The following XPC variants were observed in gnomAD, a reference collection of about 807,000 sequenced individuals.
XPC encodes XPC complex subunit, DNA damage recognition and repair factor.
A neutral mutation model predicts 95.8 loss-of-function variants in XPC; 76 were observed. The observed-to-expected ratio is 0.79, with a 90% confidence interval of 0.66 to 0.96. XPC has a LOEUF of 0.96. Among genes scored for constraint, XPC ranks in the 40% least tolerant of loss-of-function variants. XPC has a pLI of 0.00. For synonymous variants in XPC, 442 were observed against 442.1 expected, an observed-to-expected ratio of 1.00 and a Z score of 0.00; for missense variants, 1,146 against 1,179.8, an observed-to-expected ratio of 0.97 and a Z score of 0.42.
intron 10 of XPC, chr3:14,153,021 TCTA>T (rs1360756597): frequency 1.3e-5 from 2 of 152,256 alleles, no homozygotes; most frequent in Non-Finnish European, 2.9e-5. Context: ...GCCGTGCAAA[TCTA>T]CTTTCCAATG....
rs75667182 is a variant in XPC at position 14,161,255 on chromosome 3, T to C, written c.901-1425A>G. Among the ~76,000 whole-genome samples, 1,076 of 152,204 alleles carry C rather than the reference T, an allele frequency of 7.1e-3. 8 individuals are homozygous for C. Among genetic ancestry groups the C allele is most frequent in the African/African-American group, 0.024 (1,017 of 41,530 alleles). On this transcript the variant is annotated intron_variant, in intron 7 of 15. Coordinates refer to ENST00000285021, the MANE Select transcript of XPC (RefSeq NM_004628.5). ...GACCTCACTGGTGAATTCTAGCAAA[T>C]ATTTAAAGTGGAATTTACCTCAATC...
At position 14,145,561 on chromosome 3, in the gene XPC, A is replaced by G. The variant is rs142564472; in HGVS notation, c.*380T>C. The stretch of plus-strand genomic sequence containing the variant: ...GAAGAAACGATCAGCGCATTCACGG[A>G]TGCACCACCATCCAGAAATCTCCCG... On this transcript the variant is annotated 3_prime_UTR_variant, in exon 16 of 16. Coordinates refer to ENST00000285021, the MANE Select transcript of XPC (RefSeq NM_004628.5). The G allele has an allele frequency of 5.7e-5, 40 of 700,044 alleles. No individual in the cohort carries two copies. In the African/African-American group the frequency reaches 6.8e-4, roughly 12 times the overall value. The allele number at this position is 700,044 out of a possible 1,614,324, so 43.4% of individuals were successfully genotyped here.
chr3:14,176,431 C>A (rs1278475446), intron 1 of XPC, among the ~76,000 whole-genome samples: 1 of 152,182 alleles, frequency 6.6e-6, no homozygotes, highest in Non-Finnish European at 1.5e-5. Flanking sequence ...GTACCTTCTT[C>A]CACAATATTT....
Position 14,170,552 on chromosome 3 carries a change from T to C in XPC, c.300-2A>G. 6.2e-7 allele frequency: 1 copy of C among 1,607,230 alleles called. No homozygotes were observed. Among genetic ancestry groups the C allele is most frequent in the Non-Finnish European group, 8.5e-7 (1 of 1,175,692 alleles). On this transcript the variant is annotated splice_acceptor_variant, in intron 2 of 15. Transcript: ENST00000285021. LOFTEE classifies it high-confidence loss of function. ...TTCTTGAGGTCACTTGGAAAGTCCCTGTGTAAAGACCACAGGAAGGAAGAT... is the reference window on the plus strand; with the variant it reads ...TTCTTGAGGTCACTTGGAAAGTCCCCGTGTAAAGACCACAGGAAGGAAGAT...
chr3:14,156,670 GATCA>G (rs1450619953), intron 9 of XPC, among the ~76,000 whole-genome samples, 175 bp from the exon 10 acceptor site: 1 of 152,236 alleles, frequency 6.6e-6, no homozygotes, highest in East Asian at 1.9e-4. Context: ...GTCAGTTACA[GATCA>G]ATCAAAAGCT....
At chr3:14,151,383 T>C (rs1695682480) in intron 11 of XPC, 1 of 152,266 alleles carries the variant, frequency 6.6e-6, no homozygotes, top group South Asian at 2.1e-4. Flanking sequence ...AATTTAAATG[T>C]GTGGCTCACG....
chr3:14,167,517 C>G (rs2125039604), intron 4 of XPC, among the ~76,000 whole-genome samples: 1 of 152,340 alleles, frequency 6.6e-6, no homozygotes, highest in Non-Finnish European at 1.5e-5. Context: ...CACCTACATG[C>G]CTCAAAGCTC....
At chr3:14,152,665 C>A (rs1695741597) in intron 10 of XPC, 2 of 441,606 alleles carry the variant, frequency 4.5e-6, no homozygotes, top group Non-Finnish European at 8.0e-6. Context: ...CTCCACCACT[C>A]CTCCCCTTCA....
rs771891932 is a variant in XPC at position 14,156,357 on chromosome 3, G to A, written c.2011C>T (p.Arg671Cys). ...CACCTGGAGTAGACCGCTTCTCCAC[G>A]ACAATACCCAAGGATGGCAGCTGTC... ...PETAAILGYC[R>C]GEAVYSRDCV... The change falls in exon 10 of 16, where the codon CGT becomes TGT. Residue 671 changes from arginine (R) to cysteine (C), a missense_variant. Physicochemically the swap from Arg to Cys is radical, Grantham distance 180 (BLOSUM62 -3). Coordinates refer to ENST00000285021, the MANE Select transcript of XPC (RefSeq NM_004628.5). The A allele has an allele frequency of 1.3e-5, 21 of 1,613,594 alleles. No individual in the cohort carries two copies. The highest frequency in any genetic ancestry group is 1.8e-5 in the Non-Finnish European group (21 of 1,179,792).
chr3:14,146,389 G>A (rs1248401067), intron 15 of XPC, among the ~76,000 whole-genome samples: 2 of 152,108 alleles, frequency 1.3e-5, no homozygotes, highest in African/African-American at 2.4e-5. Flanking sequence ...GAGTGCAGGG[G>A]AACACAAGGA....
intron 13 of XPC, chr3:14,148,357 C>A: frequency 1.4e-6 from 1 of 705,786 alleles, no homozygotes; most frequent in East Asian, 2.8e-5. Flanking sequence ...TCCAGCATTA[C>A]GATGCCAGTT....
rs755825264 is a variant in XPC, at chr3:14,168,330, G to A, written c.463C>T (p.Arg155Ter). The A allele has an allele frequency of 1.4e-5, 22 of 1,613,788 alleles. No homozygotes were observed. The highest frequency in any genetic ancestry group is 2.2e-5 in the East Asian group (1 of 44,898). ...ACTGGCTTCACAGGCAGAAGAGATC[G>A]AGAGAAGGCTGTACTTTCTCTCACG... is the stretch of plus-strand genomic sequence containing the variant. The part of the protein sequence containing the change: ...GDVRESTAFS[R>*]SLLPVKPVEI... Residue 155 changes from arginine to a stop codon, truncating the protein, a stop_gained, in exon 4 of 16, where the codon CGA (arginine) becomes TGA (stop). Transcript: ENST00000285021. LOFTEE classifies it high-confidence loss of function.
rs142200580 is a variant in XPC, at chr3:14,148,990, C to T, written c.2116-42G>A. On this transcript the variant is annotated intron_variant, in intron 11 of 15. Transcript: ENST00000285021. Reference sequence around the variant, plus strand: ...GGCCACCGTTTACAACAAAGGCATCCAGTTCCTCAGCACCGGGCCAGGCAC... The same window carrying T: ...GGCCACCGTTTACAACAAAGGCATCTAGTTCCTCAGCACCGGGCCAGGCAC... The T allele has an allele frequency of 1.2e-3, 2,002 of 1,609,472 alleles. 29 individuals are homozygous for T. In the African/African-American group the frequency reaches 0.023, roughly 19 times the overall value.
rs1696092179 is a variant in XPC, at chr3:14,159,777, A to C, written c.954T>G (p.Ser318=). 1.3e-6 allele frequency: 2 copies of C among 1,563,166 alleles called. No individual in the cohort carries two copies. The highest frequency in any genetic ancestry group is 1.4e-5 in the African/African-American group (1 of 73,472). ...CTGACTTCAGAGGAATTGGCTGTAG[A>C]GACAATACCAGCCGGGTCAAGAGCT... is the stretch of plus-strand genomic sequence containing the variant. ...ALQLLTRLVL[S]LQPIPLKSAT... The change falls in exon 8 of 16, where the codon TCT becomes TCG. Residue 318 remains serine, a synonymous_variant. Coordinates refer to ENST00000285021, the MANE Select transcript of XPC (RefSeq NM_004628.5).
chr3:14,178,473 C>T lies in XPC; in HGVS notation c.96G>A (p.Glu32=). 1 of 1,609,870 alleles carries T rather than the reference C, an allele frequency of 6.2e-7. No homozygotes were observed. The highest frequency in any genetic ancestry group is 8.5e-7 in the Non-Finnish European group (1 of 1,178,238). ...GCTGGGCCTCGCTCTCACCCTCCTC[C>T]TCCTCCTCACGCCGGGCCTTGCTCT... ...KAKSKARREE[E]EEDAFEDEKP... The change falls in exon 1 of 16, where the codon GAG becomes GAA. Residue 32 remains glutamate, a synonymous_variant. Coordinates refer to ENST00000285021, the MANE Select transcript of XPC (RefSeq NM_004628.5).
intron 1 of XPC, chr3:14,178,243 A>C (rs1696918121): frequency 1.8e-6 from 1 of 546,414 alleles, no homozygotes; most frequent in Admixed American, 3.8e-5. Context: ...GCTACGCAGG[A>C]GCTTGGATCG....
chr3:14,147,407 A>G lies in XPC; in HGVS notation c.2515-28T>C, dbSNP rs767662353. On this transcript the variant is annotated intron_variant, in intron 14 of 15. Transcript: ENST00000285021. ...GCAGGCAAAAATGAAGTGGGAGAAA[A>G]GTGTTAAGCACTGACATTTTCAGGA... is the stretch of plus-strand genomic sequence containing the variant. The G allele has an allele frequency of 1.9e-6, 3 of 1,577,882 alleles. No homozygotes were observed. The African/African-American group carries it at 4.0e-5, about 21-fold the overall frequency.
intron 1 of XPC, among the ~76,000 whole-genome samples, chr3:14,178,020 G>C (rs1696902727): frequency 6.6e-6 from 1 of 152,220 alleles, no homozygotes; most frequent in African/African-American, 2.4e-5. Context: ...ACAAATGTAA[G>C]AAGCCTATCA....
intron 10 of XPC, 33 bp downstream of exon 10, chr3:14,156,302 A>G (rs769593046): frequency 3.1e-6 from 5 of 1,589,780 alleles, no homozygotes. Context: ...GCCATCAGGA[A>G]GCCCCTGAGG....
Sources: gnomAD v4.1 joint callset for allele counts (sites outside exome capture counted in the v4.1 genomes callset) on GRCh38, gnomAD v4.1.1 for gene constraint, MANE v1.5 for transcripts, NCBI Gene and HGNC (gene_info 2026-07-23, HGNC 2026-07-21) for gene names.